Variants in ATRNL1 observed in about 807,000 individuals in gnomAD.
The protein encoded by ATRNL1 is attractin-like protein 1.
ATRNL1 carries 95 observed loss-of-function variants against 182.7 expected under a neutral mutation model. That is an observed-to-expected ratio of 0.52 (90% CI 0.44 to 0.62). The LOEUF (loss-of-function observed/expected upper bound fraction) is 0.62. ATRNL1 is among the 20% of genes least tolerant of loss of function. The pLI is 0.00. For missense variants in ATRNL1, 1,471 were observed against 1,679.5 expected, an observed-to-expected ratio of 0.88 and a Z score of 2.17; for synonymous variants, 576 against 568.3, an observed-to-expected ratio of 1.01 and a Z score of -0.19.
At position 115,394,682 on chromosome 10, in the gene ATRNL1, A is replaced by G; in HGVS notation, c.3199A>G (p.Asn1067Asp). 1 of 1,611,852 alleles carries G rather than the reference A, an allele frequency of 6.2e-7. No individual in the cohort carries two copies. Residue 1067 changes from asparagine to aspartate, a missense_variant, in exon 20 of 29, where the codon AAT (asparagine) becomes GAT (aspartate). Transcript: ENST00000355044. ...CTACTCSGHA[N>D]ICHLHTGKCF... ...AGCTTGTACATGCAGTGGCCATGCAAATATCTGTCATCTGCACACAGGAAA... is the reference window on the plus strand; with the variant it reads ...AGCTTGTACATGCAGTGGCCATGCAGATATCTGTCATCTGCACACAGGAAA...
chr10:115,835,010 A>G (rs1399089389), intron 27 of ATRNL1, among the ~76,000 whole-genome samples: 2 of 152,136 alleles, frequency 1.3e-5, no homozygotes, highest in African/African-American at 2.4e-5. Context: ...TTCACCTTCC[A>G]CTTCTCAAGG....
chr10:115,589,120 G>A lies in ATRNL1; in HGVS notation c.3795+39584G>A, dbSNP rs367563886. Reference sequence around the variant, plus strand: ...ATGCATACCTCAATGGTTTGTGATGGTAGATACTGGAAAGAAGAATAATTT... The same window carrying A: ...ATGCATACCTCAATGGTTTGTGATGATAGATACTGGAAAGAAGAATAATTT... On this transcript the variant is annotated intron_variant, in intron 26 of 28. Transcript: ENST00000355044. Among the ~76,000 whole-genome samples, 6 of 152,220 alleles carry A rather than the reference G, an allele frequency of 3.9e-5. No homozygotes were observed. The South Asian group carries it at 1.0e-3, about 26-fold the overall frequency.
intron 26 of ATRNL1, among the ~76,000 whole-genome samples, chr10:115,696,854 T>C (rs1401978705): frequency 6.9e-6 from 1 of 145,002 alleles, no homozygotes; most frequent in East Asian, 2.0e-4. Context: ...GCAGGTACAG[T>C]CATCACATAT....
At chr10:115,894,639 TATC>T (rs1952162319) in intron 28 of ATRNL1, among the ~76,000 whole-genome samples, 1 of 152,230 alleles carries the variant, frequency 6.6e-6, no homozygotes, top group Non-Finnish European at 1.5e-5. Flanking sequence ...AAGAAATTTT[TATC>T]ATAATTGTTT....
intron 15 of ATRNL1, 52 bp downstream of exon 15, chr10:115,286,449 A>G: frequency 2.5e-6 from 3 of 1,206,608 alleles, no homozygotes; most frequent in Non-Finnish European, 3.3e-6. Context: ...TAATTTCATA[A>G]TTATTTGAAA....
At chr10:115,761,999 G>C (rs1254647266) in intron 27 of ATRNL1, among the ~76,000 whole-genome samples, 2 of 152,082 alleles carry the variant, frequency 1.3e-5, no homozygotes, top group Non-Finnish European at 2.9e-5. Flanking sequence ...TGTCTTTTAA[G>C]TATCTAAGAT....
chr10:115,304,830 T>C (rs1403988458), intron 17 of ATRNL1, among the ~76,000 whole-genome samples: 1 of 152,132 alleles, frequency 6.6e-6, no homozygotes, highest in African/African-American at 2.4e-5. Flanking sequence ...GGAATCGCCA[T>C]GTTGAGTGGA....
intron 19 of ATRNL1, among the ~76,000 whole-genome samples, chr10:115,391,731 T>C (rs1161376113): frequency 6.6e-6 from 1 of 152,112 alleles, no homozygotes; most frequent in Non-Finnish European, 1.5e-5. Flanking sequence ...TGAATGTTTC[T>C]ATGAGAGATG....
intron 26 of ATRNL1, among the ~76,000 whole-genome samples, chr10:115,631,636 G>T (rs1194318379): frequency 6.6e-6 from 1 of 152,156 alleles, no homozygotes; most frequent in Middle Eastern, 3.4e-3. Context: ...CAGATGTGTT[G>T]ATACCACACC....
intron 27 of ATRNL1, among the ~76,000 whole-genome samples, chr10:115,799,952 G>C (rs147970995): frequency 2.8e-3 from 420 of 152,164 alleles, no homozygotes; most frequent in Non-Finnish European, 4.4e-3. Flanking sequence ...TGGGCATGGT[G>C]GCTCGCACCT....
intron 4 of ATRNL1, chr10:115,128,366 C>T (rs190493307): frequency 3.1e-4 from 85 of 276,372 alleles, no homozygotes; most frequent in Middle Eastern, 1.9e-3. Context: ...ACAGGAATGG[C>T]TAGAGAGGAA....
Position 115,902,448 on chromosome 10 carries a change from A to G in ATRNL1, c.4019-42210A>G, listed in dbSNP as rs954835269. Among the ~76,000 whole-genome samples the G allele has an allele frequency of 2.6e-5, 4 of 152,122 alleles. 1 individual carries two copies. The highest frequency in any genetic ancestry group is 1.3e-4 in the Admixed American group (2 of 15,278). ...CACATAGTGCATTCATTTATTTTTT[A>G]TAGGACTAATTAAAAAGACAAAGGG... On this transcript the variant is annotated intron_variant, in intron 28 of 28. Transcript: ENST00000355044.
chr10:115,560,351 G>A (rs1554999009), intron 26 of ATRNL1, among the ~76,000 whole-genome samples: 1 of 152,144 alleles, frequency 6.6e-6, no homozygotes, highest in African/African-American at 2.4e-5. Flanking sequence ...ACTATCATGA[G>A]AACAGTATGG....
intron 26 of ATRNL1, among the ~76,000 whole-genome samples, chr10:115,637,718 G>A (rs188849585): frequency 0.012 from 1,886 of 151,182 alleles, 37 homozygotes; most frequent in African/African-American, 0.044. Context: ...TCCGCCTCCC[G>A]AGTTCAAGCA....
At chr10:115,713,742 A>ATCTATCTG (rs1947158963) in intron 26 of ATRNL1, among the ~76,000 whole-genome samples, 1 of 151,702 alleles carries the variant, frequency 6.6e-6, no homozygotes, top group African/African-American at 2.4e-5. Context: ...CTATCTATCT[A>ATCTATCTG]TCTATCTATA....
At chr10:115,616,323 AC>A (rs1352090283) in intron 26 of ATRNL1, among the ~76,000 whole-genome samples, 3 of 152,222 alleles carry the variant, frequency 2.0e-5, no homozygotes, top group African/African-American at 7.2e-5. Context: ...CTACACTGAT[AC>A]GCATGAGCAA....
chr10:115,299,919 G>T (rs1853390280), intron 15 of ATRNL1, 115 bp from the exon 16 acceptor site: 4 of 695,128 alleles, frequency 5.8e-6, no homozygotes, highest in South Asian at 4.2e-5. Flanking sequence ...CATTAGAAAG[G>T]CAGCTTTATA....
rs906747119 is a variant in ATRNL1 at position 115,553,614 on chromosome 10, A to C, written c.3795+4078A>C. Among the ~76,000 whole-genome samples, 5 of 151,338 alleles carry C rather than the reference A, an allele frequency of 3.3e-5. No individual in the cohort carries two copies. In the East Asian group the frequency reaches 7.7e-4, roughly 23 times the overall value. Reference sequence around the variant, plus strand: ...TTTGTAATCATGAAGAATAAAACTTAGATTTGCATTTTTTATTATCACCCT... The same window carrying C: ...TTTGTAATCATGAAGAATAAAACTTCGATTTGCATTTTTTATTATCACCCT... On this transcript the variant is annotated intron_variant, in intron 26 of 28. Coordinates refer to ENST00000355044, the MANE Select transcript of ATRNL1 (RefSeq NM_207303.4).
chr10:115,499,201 TA>T lies in ATRNL1; in HGVS notation c.3655-20061del, dbSNP rs1205781326. ...TTTTGTTTTCTAACATTTATAACAA[TA>T]TTTTTTTGACAAAAATAGGTTTTAA... On this transcript the variant is annotated intron_variant, in intron 24 of 28. Coordinates refer to ENST00000355044, the MANE Select transcript of ATRNL1 (RefSeq NM_207303.4). Among the ~76,000 whole-genome samples the T allele has an allele frequency of 2.0e-5, 3 of 152,288 alleles. No individual in the cohort carries two copies. The South Asian group carries it at 6.2e-4, about 32-fold the overall frequency.
Sources: gnomAD v4.1 joint callset for allele counts (sites outside exome capture counted in the v4.1 genomes callset) on GRCh38, gnomAD v4.1.1 for gene constraint, MANE v1.5 for transcripts, NCBI Gene and HGNC (gene_info 2026-07-23, HGNC 2026-07-21) for gene names.